CSMD3: variants seen among roughly 807,000 people sequenced by gnomAD.
CSMD3 encodes CUB and sushi domain-containing protein 3.
A neutral mutation model predicts 435.2 loss-of-function variants in CSMD3; 177 were observed. The ratio of observed to expected loss-of-function variants is 0.41; its 90% CI spans 0.36 to 0.46. The LOEUF is 0.46. Among genes scored for constraint, CSMD3 ranks in the 20% least tolerant of loss-of-function variants. The pLI, the probability that CSMD3 is intolerant of heterozygous loss-of-function variation, is 0.34. For missense variants in CSMD3, 4,265 were observed against 4,504.6 expected (o/e 0.95, Z 1.52); for synonymous variants, 1,656 against 1,520.5 (o/e 1.09, Z -2.07).
intron 2 of CSMD3, among the ~76,000 whole-genome samples, chr8:113,295,922 A>G (rs2093717533): frequency 6.6e-6 from 1 of 152,200 alleles, no homozygotes; most frequent in Non-Finnish European, 1.5e-5. Context: ...CATAGACTGG[A>G]TTAAGAAAAT....
At chr8:112,386,553 A>T (rs538895867) in intron 36 of CSMD3, among the ~76,000 whole-genome samples, 78 of 152,080 alleles carry the variant, frequency 5.1e-4, no homozygotes, top group Admixed American at 2.0e-3. Flanking sequence ...GATGGAGTGC[A>T]GTGGCGCGAT....
intron 34 of CSMD3, among the ~76,000 whole-genome samples, chr8:112,408,005 G>A (rs1026567014): frequency 6.6e-6 from 1 of 151,874 alleles, no homozygotes; most frequent in Non-Finnish European, 1.5e-5. Context: ...AGACTAAATA[G>A]TCTAGAGTGC....
chr8:113,409,334 C>T (rs1282190972), intron 1 of CSMD3, among the ~76,000 whole-genome samples: 1 of 151,694 alleles, frequency 6.6e-6, no homozygotes, highest in African/African-American at 2.4e-5. Context: ...GCACCCCTCT[C>T]GGCCTCCCAA....
At position 112,224,824 on chromosome 8, in the gene CSMD3, C is replaced by T; in HGVS notation, c.11071G>A (p.Gly3691Arg). 1.2e-6 allele frequency: 2 copies of T among 1,614,084 alleles called. No individual in the cohort carries two copies. Among genetic ancestry groups the T allele is most frequent in the Non-Finnish European group, 1.7e-6 (2 of 1,179,968 alleles). Residue 3691 changes from glycine to arginine, a missense_variant, in exon 71 of 71, where the codon GGG becomes AGG. Around this residue, in one of 3 missense-constraint regions of CSMD3, gnomAD observed 3,255 missense variants for 3,380.2 expected, o/e 0.96. Coordinates refer to ENST00000297405, the MANE Select transcript of CSMD3 (RefSeq NM_198123.2). ...MYDTNAKSVE[G>R]KAVRFDPNLN... ...TTGGGATCAAATCGTACCGCCTTCCCTTCCACTGACTTTGCGTTGGTGTCA... is the reference window on the plus strand; with the variant it reads ...TTGGGATCAAATCGTACCGCCTTCCTTTCCACTGACTTTGCGTTGGTGTCA...
intron 10 of CSMD3, among the ~76,000 whole-genome samples, chr8:112,859,633 G>C (rs1314822825): frequency 6.6e-6 from 1 of 151,668 alleles, no homozygotes; most frequent in Non-Finnish European, 1.5e-5. Context: ...AGCAATCTAA[G>C]AAGTGTTTTC....
At chr8:112,906,998 C>T (rs184593454) in intron 10 of CSMD3, among the ~76,000 whole-genome samples, 6 of 151,568 alleles carry the variant, frequency 4.0e-5, no homozygotes, top group Admixed American at 1.3e-4. Context: ...AAAGATGAAA[C>T]TGTGAATACT....
At chr8:112,414,762 C>A (rs187563364) in intron 32 of CSMD3, among the ~76,000 whole-genome samples, 179 of 152,212 alleles carry the variant, frequency 1.2e-3, no homozygotes, top group Admixed American at 4.0e-3. Context: ...ATATGGACAA[C>A]GAAGTCCAGA....
rs1241867950 is a variant in CSMD3 at position 113,284,391 on chromosome 8, T to C, written c.402-5687A>G. On this transcript the variant is annotated intron_variant, in intron 2 of 70. Transcript: ENST00000297405. Reference sequence around the variant, plus strand: ...AACAATTTCTTATTCACACTAAGAATTGTGTTCTTGAAACATCATAAGAAT... The same window carrying C: ...AACAATTTCTTATTCACACTAAGAACTGTGTTCTTGAAACATCATAAGAAT... Among the ~76,000 whole-genome samples the C allele has an allele frequency of 5.3e-5, 8 of 152,184 alleles. No individual in the cohort carries two copies. The East Asian group carries it at 1.5e-3, about 29-fold the overall frequency.
intron 32 of CSMD3, among the ~76,000 whole-genome samples, chr8:112,448,755 T>TAAAA (rs199998820): frequency 7.9e-6 from 1 of 127,200 alleles, no homozygotes; most frequent in African/African-American, 3.2e-5. Flanking sequence ...TACAATCTAT[T>TAAAA]AAAAAAAAAA....
chr8:113,243,363 T>G (rs569029936), intron 3 of CSMD3, among the ~76,000 whole-genome samples: 15 of 151,384 alleles, frequency 9.9e-5, no homozygotes, highest in African/African-American at 3.6e-4. Context: ...CAGTATATTT[T>G]ATTTTAAAAT....
At chr8:113,197,989 TTGTTCCTATTGTATAAA>T (rs2132016854) in intron 3 of CSMD3, among the ~76,000 whole-genome samples, 1 of 151,496 alleles carries the variant, frequency 6.6e-6, no homozygotes, top group East Asian at 1.9e-4. Flanking sequence ...ATAAATGTAG[TTGTTCCTATTGTATAAA>T]AATAGTAAAA....
At chr8:112,840,774 C>T (rs1158569005) in intron 11 of CSMD3, among the ~76,000 whole-genome samples, 1 of 151,560 alleles carries the variant, frequency 6.6e-6, no homozygotes, top group Non-Finnish European at 1.5e-5. Context: ...GTGAACTGTG[C>T]TTCAAATAGA....
intron 4 of CSMD3, among the ~76,000 whole-genome samples, chr8:113,112,403 A>ATG (rs1564328651): frequency 3.7e-3 from 13 of 3,500 alleles, no homozygotes; most frequent in Non-Finnish European, 5.3e-3. Flanking sequence ...ATATATATAT[A>ATG]TATATATATA....
At chr8:112,733,534 T>A (rs1170178861) in intron 13 of CSMD3, among the ~76,000 whole-genome samples, 1 of 152,066 alleles carries the variant, frequency 6.6e-6, no homozygotes, top group African/African-American at 2.4e-5. Flanking sequence ...AAAAATGGGT[T>A]AAGCAACTTT....
intron 2 of CSMD3, among the ~76,000 whole-genome samples, chr8:113,302,294 A>T (rs1427227094): frequency 6.8e-5 from 1 of 14,640 alleles, no homozygotes; most frequent in Non-Finnish European, 9.3e-5. Context: ...TATATAATAT[A>T]ATATAATATA....
intron 57 of CSMD3, 101 bp from the exon 58 acceptor site, chr8:112,287,347 G>T: frequency 1.9e-6 from 2 of 1,031,918 alleles, no homozygotes; most frequent in Non-Finnish European, 3.0e-6. Flanking sequence ...TGTGCATGCG[G>T]TGTTTTAGCA....
chr8:112,760,530 G>T (rs559998893), intron 13 of CSMD3, among the ~76,000 whole-genome samples: 34 of 152,210 alleles, frequency 2.2e-4, no homozygotes, highest in African/African-American at 8.2e-4. Context: ...ACATATAAAT[G>T]TAAAACGTCC....
chr8:113,055,294 C>T (rs983811924), intron 5 of CSMD3, among the ~76,000 whole-genome samples: 2 of 152,122 alleles, frequency 1.3e-5, no homozygotes, highest in African/African-American at 2.4e-5. Flanking sequence ...GGATTACAGA[C>T]GTTAAGCCAC....
At chr8:113,035,245 G>A (rs905794918) in intron 5 of CSMD3, among the ~76,000 whole-genome samples, 2 of 151,838 alleles carry the variant, frequency 1.3e-5, no homozygotes, top group Non-Finnish European at 2.9e-5. Flanking sequence ...AGATAGGGAG[G>A]AATACAAACT....
Sources: allele counts gnomAD v4.1 joint callset (sites outside exome capture counted in the v4.1 genomes callset), GRCh38; gene constraint gnomAD v4.1.1; regional missense constraint gnomAD v4.1.1; transcripts MANE v1.5; gene names NCBI Gene and HGNC (gene_info 2026-07-23, HGNC 2026-07-21).